Variants in ZNF768 observed in about 807,000 individuals in gnomAD.
ZNF768 encodes the protein zinc finger protein 768.
In ZNF768, 12 loss-of-function variants were observed where a neutral mutation model predicts 39.7. The ratio of observed to expected loss-of-function variants is 0.30; its 90% CI spans 0.19 to 0.49. ZNF768 has a LOEUF of 0.49. ZNF768 is among the 20% of genes least tolerant of loss of function. The probability of loss-of-function intolerance (pLI) is 0.99; values close to 1 mark genes in which losing one functional copy is unlikely to be tolerated. For synonymous variants in ZNF768, 360 were observed against 288.4 expected (o/e 1.25, Z -2.52); for missense variants, 613 against 723.2 (o/e 0.85, Z 1.75).
rs762940397 is a variant in ZNF768, at chr16:30,524,889, G to A, written c.1251C>T (p.Ile417=). 5.6e-6 allele frequency: 9 copies of A among 1,612,090 alleles called. No homozygotes were observed. The highest frequency in any genetic ancestry group is 5.5e-5 in the South Asian group (5 of 91,074). Residue 417 remains isoleucine (I), a synonymous_variant, in exon 2 of 2, where the codon ATC becomes ATT. Coordinates refer to ENST00000380412, the MANE Select transcript of ZNF768 (RefSeq NM_024671.4). The part of the protein sequence containing the change: ...GKSFSQRSAL[I]PHARSHAREK... ...CCCGGGCGTGGCTGCGGGCATGGGG[G>A]ATAAGGGCCGACCGCTGGGAGAAGC...
At chr16:30,530,933 G>C (rs1335502589), upstream of ZNF768, 2 of 152,282 alleles carry the variant, frequency 1.3e-5, no homozygotes, top group African/African-American at 4.8e-5. The surrounding 1 kb of genome is among the most constrained non-coding windows in gnomAD (Gnocchi z 4.4). Context: ...TAATGGAGTC[G>C]TGAAGTGCTG....
At chr16:30,526,901 T>C (rs931141737), upstream of ZNF768, 4 of 985,016 alleles carry the variant, frequency 4.1e-6, no homozygotes, top group Non-Finnish European at 4.8e-6. Context: ...CTCGTTGGCA[T>C]TAACCCTGGG....
At chr16:30,532,096 C>A in the ZNF768 span, 30 of 212,144 alleles carry the variant, frequency 1.4e-4, no homozygotes, top group African/African-American at 7.1e-4. Flanking sequence ...TGCAGTGAGT[C>A]GAGATCGCAC....
upstream of ZNF768, chr16:30,526,694 G>A (rs1290809503): frequency 4.3e-6 from 4 of 932,920 alleles, no homozygotes; most frequent in East Asian, 4.6e-4. Flanking sequence ...GAGGGGCTTC[G>A]CGACTACCCC....
chr16:30,526,072 G>A (rs2051320128), intron 1 of ZNF768, 21 bp from the exon 2 acceptor site: 2 of 1,494,528 alleles, frequency 1.3e-6, no homozygotes, highest in Admixed American at 2.5e-5. Context: ...AGAGAATCCA[G>A]ATCGTGTGAG....
chr16:30,524,785 A>T lies in ZNF768; in HGVS notation c.1355T>A (p.Leu452Gln). 6.2e-7 allele frequency: 1 copy of T among 1,611,162 alleles called. No individual in the cohort carries two copies. Among genetic ancestry groups the T allele is most frequent in the Non-Finnish European group, 8.5e-7 (1 of 1,179,444 alleles). Residue 452 changes from leucine (L) to glutamine (Q), a missense_variant, in exon 2 of 2, where the codon CTG becomes CAG. Leu to Gln is a moderately radical substitution (Grantham distance 113). This residue lies in a region of ZNF768 where 204 missense variants were observed against 281.7 expected (regional missense o/e 0.72). Coordinates refer to ENST00000380412, the MANE Select transcript of ZNF768 (RefSeq NM_024671.4). ...SVLAIHARTH[L>Q]PGRTYSCPDC... is the part of the protein sequence containing the mutation. ...GGGGCAGCTGTAGGTGCGGCCTGGCAGGTGGGTGCGGGCGTGGATGGCCAG... is the reference window on the plus strand; with the variant it reads ...GGGGCAGCTGTAGGTGCGGCCTGGCTGGTGGGTGCGGGCGTGGATGGCCAG...
chr16:30,528,342 A>AGG (rs1488469579), upstream of ZNF768: 1 of 152,222 alleles, frequency 6.6e-6, no homozygotes, highest in Non-Finnish European at 1.5e-5. Flanking sequence ...TCACGAGGTC[A>AGG]GGAGTTCAAG....
chr16:30,526,081 A>C, intron 1 of ZNF768, 30 bp from the exon 2 acceptor site: 1 of 1,493,726 alleles, frequency 6.7e-7, no homozygotes, highest in Non-Finnish European at 8.9e-7. Flanking sequence ...AGATCGTGTG[A>C]GACCTGGAAG....
rs762163621 is a variant in ZNF768, at chr16:30,525,853, GGGGGCACAAGCCCAGGGCTTC to G, written c.266_286del (p.Arg89_Pro95del). On this transcript the variant is annotated inframe_deletion, in exon 2 of 2. Transcript: ENST00000380412. Reference sequence around the variant, plus strand: ...GCTTCTGGGTGCAAACTCAGGGCTTGGGGGCACAAGCCCAGGGCTTCGGGACTCAAACCCCGGGCTTTCAGG... The same window carrying G: ...GCTTCTGGGTGCAAACTCAGGGCTTGGGGACTCAAACCCCGGGCTTTCAGG... 9.6e-5 allele frequency: 146 copies of G among 1,525,646 alleles called. No homozygotes were observed. Among genetic ancestry groups the G allele is most frequent in the Non-Finnish European group, 1.2e-4 (140 of 1,141,356 alleles). The allele number at this position is 1,525,646 out of a possible 1,614,324, so 94.5% of individuals were successfully genotyped here.
At chr16:30,526,799 CCA>C (rs1312759324), upstream of ZNF768, 16 of 855,866 alleles carry the variant, frequency 1.9e-5, no homozygotes, top group Middle Eastern at 5.8e-4. Flanking sequence ...CAGCACCCCC[CCA>C]CCCTCCCCCG....
At chr16:30,528,716 G>T (rs761270494), upstream of ZNF768, among the ~76,000 whole-genome samples, 13 of 152,130 alleles carry the variant, frequency 8.5e-5, no homozygotes, top group Non-Finnish European at 1.6e-4. Context: ...TGGCTTACAT[G>T]GTCCAGCACT....
rs1449460449 is a variant in ZNF768 at position 30,526,390 on chromosome 16, C to T, written c.24G>A (p.Trp8Ter). The T allele has an allele frequency of 6.3e-7, 1 of 1,599,276 alleles. No individual in the cohort carries two copies. Among genetic ancestry groups the T allele is most frequent in the Non-Finnish European group, 8.5e-7 (1 of 1,174,180 alleles). ...TCTGCACATCCTGGGGCTCGAGGCC[C>T]CACGGCAACGCCTCCCGCTCCATCC... MEREALP[W>*]GLEPQDVQSS... is the part of the protein sequence containing the mutation. The change falls in exon 1 of 2, where the codon TGG (tryptophan) becomes TGA (stop). Residue 8 changes from tryptophan to a stop codon, truncating the protein, a stop_gained. Transcript: ENST00000380412. LOFTEE classifies it high-confidence loss of function.
In ZNF768 at chr16:30,524,668, C is replaced by T. The variant is rs2051303531; in HGVS notation, c.1472G>A (p.Gly491Asp). 1 of 1,612,828 alleles carries T rather than the reference C, an allele frequency of 6.2e-7. No homozygotes were observed. Among genetic ancestry groups the T allele is most frequent in the Non-Finnish European group, 8.5e-7 (1 of 1,179,860 alleles). ...GERPYRCAVC[G>D]KGFCRSSTLL... The stretch of plus-strand genomic sequence containing the variant: ...CGTGGAGGAGCGGCAGAAGCCCTTG[C>T]CGCACACGGCGCACCTGTAGGGCCG... The change falls in exon 2 of 2, where the codon GGC (glycine) becomes GAC (aspartate). Residue 491 changes from glycine (G) to aspartate (D), a missense_variant. Physicochemically the swap from Gly to Asp is moderately conservative, Grantham distance 94. Coordinates refer to ENST00000380412, the MANE Select transcript of ZNF768 (RefSeq NM_024671.4).
upstream of ZNF768, chr16:30,527,082 C>G (rs949015901): frequency 1.0e-6 from 1 of 985,304 alleles, no homozygotes; most frequent in Non-Finnish European, 1.2e-6. Context: ...AGGCGACAAG[C>G]GAGACCAAGG....
the ZNF768 span, chr16:30,531,980 C>G: frequency 5.8e-6 from 1 of 171,126 alleles, no homozygotes; most frequent in South Asian, 1.2e-4. Context: ...AACCCCATCT[C>G]TACTAAAAAT....
At chr16:30,529,470 A>T (rs921860258), upstream of ZNF768, among the ~76,000 whole-genome samples, 1 of 152,222 alleles carries the variant, frequency 6.6e-6, no homozygotes, top group African/African-American at 2.4e-5. Context: ...CAGTGAGAGG[A>T]GCTTCCGTAT....
At position 30,526,419 on chromosome 16, in the gene ZNF768, C is replaced by T; in HGVS notation, c.-6G>A. 6.3e-7 allele frequency: 1 copy of T among 1,575,890 alleles called. No individual in the cohort carries two copies. Among genetic ancestry groups the T allele is most frequent in the Non-Finnish European group, 8.6e-7 (1 of 1,163,904 alleles). On this transcript the variant is annotated 5_prime_UTR_variant, in exon 1 of 2. Coordinates refer to ENST00000380412, the MANE Select transcript of ZNF768 (RefSeq NM_024671.4). ...GGCAACGCCTCCCGCTCCATCCCCGCGGGCTCCCAGTGCAGCGGCGGCGGC... is the reference window on the plus strand; with the variant it reads ...GGCAACGCCTCCCGCTCCATCCCCGTGGGCTCCCAGTGCAGCGGCGGCGGC...
At chr16:30,526,194 G>GA in intron 1 of ZNF768, 132 bp downstream of exon 1, 1 of 1,526,788 alleles carries the variant, frequency 6.5e-7, no homozygotes, top group South Asian at 1.2e-5. Flanking sequence ...GCTGACCCAA[G>GA]ACACCCCAGT....
upstream of ZNF768, chr16:30,527,283 C>T (rs1205847228): frequency 2.0e-6 from 2 of 986,358 alleles, no homozygotes; most frequent in Non-Finnish European, 2.4e-6. Context: ...CGCCCGCTCC[C>T]GTTCCTCCGG....
Sources: gnomAD v4.1 joint callset for allele counts (sites outside exome capture counted in the v4.1 genomes callset) on GRCh38, gnomAD v4.1.1 for gene constraint, gnomAD v4.1.1 regional missense constraint, Gnocchi (gnomAD v3.1) non-coding constraint, MANE v1.5 for transcripts, NCBI Gene and HGNC (gene_info 2026-07-23, HGNC 2026-07-21) for gene names.